The following DCT variants were observed in gnomAD, a reference collection of about 807,000 sequenced individuals.
The protein encoded by DCT is L-dopachrome tautomerase.
Under a neutral mutation model 53.0 loss-of-function variants are expected in DCT, and 47 were observed. That is an observed-to-expected ratio of 0.89 (90% CI 0.70 to 1.13). DCT has a LOEUF of 1.13. DCT is among the 50% of genes most tolerant of loss of function. The pLI is 0.00. For synonymous variants in DCT, 244 were observed against 237.0 expected, an observed-to-expected ratio of 1.03 and a Z score of -0.27; for missense variants, 669 against 637.4, an observed-to-expected ratio of 1.05 and a Z score of -0.53.
At chr13:94,481,429 T>C (rs1377598270), upstream of DCT, among the ~76,000 whole-genome samples, 3 of 152,234 alleles carry the variant, frequency 2.0e-5, no homozygotes, top group Non-Finnish European at 4.4e-5. Flanking sequence ...TCCATGTATA[T>C]TTATTGACTG....
chr13:94,517,484 C>T, the DCT span, among the ~76,000 whole-genome samples: 1 of 152,220 alleles, frequency 6.6e-6, no homozygotes, highest in African/African-American at 2.4e-5. Context: ...ATATCCACCT[C>T]TGTGACCACA....
chr13:94,524,611 C>T, the DCT span, among the ~76,000 whole-genome samples: 7 of 152,266 alleles, frequency 4.6e-5, no homozygotes, highest in East Asian at 1.4e-3. Context: ...ATTTTTATTG[C>T]ATTTTGTGCG....
At chr13:94,472,521 CATATATAT>C (rs1555334365) in intron 1 of DCT, among the ~76,000 whole-genome samples, 613 of 25,028 alleles carry the variant, frequency 0.024, 5 homozygotes, top group East Asian at 0.032. Flanking sequence ...TACATACATA[CATATATAT>C]ATATATATAT....
intron 6 of DCT, among the ~76,000 whole-genome samples, chr13:94,446,138 G>A (rs928735297): frequency 1.3e-5 from 2 of 152,172 alleles, no homozygotes; most frequent in Non-Finnish European, 2.9e-5. Flanking sequence ...ACAGCCTGTG[G>A]AGCTGATGAT....
intron 4 of DCT, 45 bp downstream of exon 4, chr13:94,465,588 G>A (rs1275886058): frequency 8.8e-6 from 14 of 1,588,390 alleles, no homozygotes; most frequent in Non-Finnish European, 1.1e-5. Flanking sequence ...TCAGACATCA[G>A]AAAAGACAAT....
upstream of DCT, among the ~76,000 whole-genome samples, chr13:94,482,157 C>T (rs1594336871): frequency 6.6e-6 from 1 of 152,154 alleles, no homozygotes; most frequent in Non-Finnish European, 1.5e-5. Flanking sequence ...GTGATGATCA[C>T]GGAGCACAGG....
the DCT span, among the ~76,000 whole-genome samples, chr13:94,514,049 A>T: frequency 6.6e-6 from 1 of 151,232 alleles, no homozygotes; most frequent in Non-Finnish European, 1.5e-5. Flanking sequence ...TAGATGTAAA[A>T]GGTCAGGGAT....
rs1254756556 is a variant in DCT, at chr13:94,462,173, G to A, written c.880C>T (p.His294Tyr). The A allele has an allele frequency of 2.5e-6, 4 of 1,612,314 alleles. No individual in the cohort carries two copies. The South Asian group carries it at 4.4e-5, about 18-fold the overall frequency. The change falls in exon 5 of 8, where the codon CAC becomes TAC. Residue 294 changes from histidine to tyrosine, a missense_variant. By Grantham distance (83) the His-to-Tyr change is moderately conservative (BLOSUM62 2). Coordinates refer to ENST00000377028, the MANE Select transcript of DCT (RefSeq NM_001922.5). ...TVCDSLDDYN[H>Y]LVTLCNGTYE... is the part of the protein sequence containing the mutation. ...GTTCCATTGCACAAGGTGACCAGGT[G>A]GTTGTAGTCATCCAAGCTAAGATTT...
chr13:94,439,002 T>C lies in DCT; in HGVS notation c.*896A>G, dbSNP rs1296935631. 2 of 191,316 alleles carry C rather than the reference T, an allele frequency of 1.0e-5. No individual in the cohort carries two copies. The highest frequency in any genetic ancestry group is 2.2e-5 in the Non-Finnish European group (2 of 92,924). 11.9% of individuals were successfully genotyped at this position (191,316 alleles called of 1,614,324 possible). On this transcript the variant is annotated 3_prime_UTR_variant, in exon 8 of 8. Coordinates refer to ENST00000377028, the MANE Select transcript of DCT (RefSeq NM_001922.5). Reference sequence around the variant, plus strand: ...TCAGAGTAATGGGACTCAAGTCAAATTGTCTCATGTTCAGGTTTACAGCCT... The same window carrying C: ...TCAGAGTAATGGGACTCAAGTCAAACTGTCTCATGTTCAGGTTTACAGCCT...
At chr13:94,520,506 C>T in the DCT span, among the ~76,000 whole-genome samples, 14 of 152,324 alleles carry the variant, frequency 9.2e-5, no homozygotes, top group African/African-American at 3.4e-4. Flanking sequence ...ATCTCTAGCA[C>T]GTTGAGGAGC....
At chr13:94,520,275 C>T in the DCT span, among the ~76,000 whole-genome samples, 1 of 152,134 alleles carries the variant, frequency 6.6e-6, no homozygotes, top group Admixed American at 6.6e-5. Flanking sequence ...AAAATAGTTC[C>T]TCTAATCTTT....
the DCT span, among the ~76,000 whole-genome samples, chr13:94,502,458 G>A: frequency 6.6e-6 from 1 of 152,172 alleles, no homozygotes; most frequent in Non-Finnish European, 1.5e-5. Flanking sequence ...CTTTGGGAGA[G>A]TGGCCTGAGC....
chr13:94,440,105 A>T lies in DCT; in HGVS notation c.1382-29T>A, dbSNP rs369010850. ...AAGCAGAAGAGAAGGGTCTACAATCAGGATTTTCATCAGCTGAATACTTTC... is the reference window on the plus strand; with the variant it reads ...AAGCAGAAGAGAAGGGTCTACAATCTGGATTTTCATCAGCTGAATACTTTC... On this transcript the variant is annotated intron_variant, in intron 7 of 7. Transcript: ENST00000377028. 6 of 1,585,518 alleles carry T rather than the reference A, an allele frequency of 3.8e-6. No individual in the cohort carries two copies. In the African/African-American group the frequency reaches 8.2e-5, roughly 22 times the overall value.
the DCT span, among the ~76,000 whole-genome samples, chr13:94,485,069 A>C: frequency 7.4e-6 from 1 of 135,292 alleles, no homozygotes; most frequent in African/African-American, 2.7e-5. Flanking sequence ...GTCAAGGTCC[A>C]TGGCAGGACT....
At chr13:94,535,184 T>C in the DCT span, among the ~76,000 whole-genome samples, 12,965 of 152,284 alleles carry the variant, frequency 0.085, 1,246 homozygotes, top group African/African-American at 0.24. Context: ...ATTTAGAACA[T>C]ATACTATATA....
intron 6 of DCT, among the ~76,000 whole-genome samples, chr13:94,454,845 G>A (rs1005700324): frequency 6.6e-6 from 1 of 152,164 alleles, no homozygotes; most frequent in Admixed American, 6.5e-5. Flanking sequence ...GTAATGGTGA[G>A]TTCTGGAACT....
At chr13:94,521,499 G>A in the DCT span, among the ~76,000 whole-genome samples, 7 of 152,222 alleles carry the variant, frequency 4.6e-5, no homozygotes, top group Admixed American at 1.3e-4. Flanking sequence ...GTGAACCCCC[G>A]TCTTTGCTAA....
At chr13:94,454,472 G>A (rs1883285941) in intron 6 of DCT, among the ~76,000 whole-genome samples, 1 of 151,896 alleles carries the variant, frequency 6.6e-6, no homozygotes. Flanking sequence ...TAATATTGAA[G>A]ACAGCACTTA....
In DCT at chr13:94,479,250, G is replaced by T; in HGVS notation, c.6C>A (p.Ser2Arg). Residue 2 changes from serine to arginine, a missense_variant, in exon 1 of 8, where the codon AGC becomes AGA. By Grantham distance (110) the Ser-to-Arg change is moderately radical. Transcript: ENST00000377028. The stretch of plus-strand genomic sequence containing the variant: ...TGAGCAGAAACCCCCACCAAAGGGG[G>T]CTCATGGCTTTATAATTGGGAGAGC... MSPLWWGFLLSC... is the reference protein window; with the variant it reads MRPLWWGFLLSC... 6.3e-7 allele frequency: 1 copy of T among 1,575,484 alleles called. No homozygotes were observed. The highest frequency in any genetic ancestry group is 8.7e-7 in the Non-Finnish European group (1 of 1,154,988).
Sources: gnomAD v4.1 joint callset for allele counts (sites outside exome capture counted in the v4.1 genomes callset) on GRCh38, gnomAD v4.1.1 for gene constraint, MANE v1.5 for transcripts, NCBI Gene and HGNC (gene_info 2026-07-23, HGNC 2026-07-21) for gene names.